Variants in ZNF638 observed in about 807,000 individuals in gnomAD.
ZNF638 encodes the protein CTCL tumor antigen se33-1.
A neutral mutation model predicts 195.6 loss-of-function variants in ZNF638; 46 were observed. That is an observed-to-expected ratio of 0.24 (90% CI 0.19 to 0.30). The LOEUF is 0.30. ZNF638 is among the 10% of genes least tolerant of loss of function. The pLI is 1.00. For missense variants in ZNF638, 2,440 were observed against 2,325.3 expected, an observed-to-expected ratio of 1.05 and a Z score of -1.01; for synonymous variants, 845 against 772.0, an observed-to-expected ratio of 1.09 and a Z score of -1.57.
At chr2:71,396,336 A>T in intron 11 of ZNF638, 145 bp downstream of exon 11, 1 of 651,422 alleles carries the variant, frequency 1.5e-6, no homozygotes, top group Non-Finnish European at 2.6e-6. Flanking sequence ...TCATCTAGCA[A>T]TTTTGAGAAA....
chr2:71,410,264 T>G (rs2080185401), intron 20 of ZNF638, among the ~76,000 whole-genome samples: 1 of 152,212 alleles, frequency 6.6e-6, no homozygotes, highest in Non-Finnish European at 1.5e-5. Flanking sequence ...CCACATGATT[T>G]AAACCTTAAC....
At chr2:71,336,296 G>C (rs2078666138) in intron 1 of ZNF638, among the ~76,000 whole-genome samples, 1 of 151,196 alleles carries the variant, frequency 6.6e-6, no homozygotes, top group Admixed American at 6.6e-5. Context: ...CTTGAAGCCG[G>C]GAGGCGGAGG....
chr2:71,353,026 G>A (rs1468544612), intron 2 of ZNF638, among the ~76,000 whole-genome samples: 2 of 152,106 alleles, frequency 1.3e-5, no homozygotes, highest in African/African-American at 4.8e-5. Context: ...TGTGAAGATG[G>A]ATTTCGATGG....
intron 8 of ZNF638, 44 bp from the exon 9 acceptor site, chr2:71,380,178 C>A: frequency 8.1e-7 from 1 of 1,231,578 alleles, no homozygotes; most frequent in South Asian, 1.6e-5. Flanking sequence ...TTCTAAATTG[C>A]TTTATACTAA....
intron 3 of ZNF638, among the ~76,000 whole-genome samples, chr2:71,359,545 A>T (rs1449275964): frequency 1.3e-5 from 2 of 152,178 alleles, no homozygotes; most frequent in African/African-American, 4.8e-5. Flanking sequence ...ACTAATCTTC[A>T]CTGGAAACAC....
At chr2:71,348,653 T>G in intron 1 of ZNF638, 100 bp from the exon 2 acceptor site, 1 of 1,298,108 alleles carries the variant, frequency 7.7e-7, no homozygotes, top group African/African-American at 1.5e-5. Context: ...TGCAGAATGG[T>G]TTCATGGCTT....
chr2:71,396,195 T>C lies in ZNF638; in HGVS notation c.2428+4T>C, dbSNP rs1446534782. On this transcript the variant is annotated splice_donor_region_variant and intron_variant, in intron 11 of 27. Transcript: ENST00000264447. ...GCCAAAGTAAACAAATCTACAGGTA[T>C]GTTTTTTTAATTAGGATTCTAGACT... 1.9e-6 allele frequency: 3 copies of C among 1,610,062 alleles called. No individual in the cohort carries two copies. Among genetic ancestry groups the C allele is most frequent in the African/African-American group, 1.3e-5 (1 of 74,660 alleles).
intron 2 of ZNF638, among the ~76,000 whole-genome samples, chr2:71,353,950 A>G (rs2078982916): frequency 6.6e-6 from 1 of 152,204 alleles, no homozygotes; most frequent in Non-Finnish European, 1.5e-5. Flanking sequence ...ATTAAACAGG[A>G]TGTACAAACA....
intron 1 of ZNF638, among the ~76,000 whole-genome samples, chr2:71,347,107 T>A (rs1383179456): frequency 6.6e-6 from 1 of 152,088 alleles, no homozygotes; most frequent in East Asian, 1.9e-4. Flanking sequence ...GGGGTGACCT[T>A]GAAGGATGAA....
chr2:71,359,819 C>G (rs2079079754), intron 3 of ZNF638, among the ~76,000 whole-genome samples: 1 of 152,060 alleles, frequency 6.6e-6, no homozygotes, highest in African/African-American at 2.4e-5. Flanking sequence ...TTAGATTTTT[C>G]TTTTCTTGTG....
intron 26 of ZNF638, among the ~76,000 whole-genome samples, 191 bp downstream of exon 26, chr2:71,431,619 A>G (rs1454889802): frequency 6.6e-6 from 1 of 152,094 alleles, no homozygotes; most frequent in African/African-American, 2.4e-5. Flanking sequence ...AATTAGCCGG[A>G]CGTGGTGGCG....
chr2:71,428,531 G>A lies in ZNF638; in HGVS notation c.5546-16G>A, dbSNP rs2080587346. ...TACTGTTACTAGAGCAATAAATTAGGACTTTCTTTTTAAAGCTAAAACTCC... is the reference window on the plus strand; with the variant it reads ...TACTGTTACTAGAGCAATAAATTAGAACTTTCTTTTTAAAGCTAAAACTCC... On this transcript the variant is annotated splice_polypyrimidine_tract_variant and intron_variant, in intron 24 of 27. Coordinates refer to ENST00000264447, the MANE Select transcript of ZNF638 (RefSeq NM_014497.5). 2 of 1,597,038 alleles carry A rather than the reference G, an allele frequency of 1.3e-6. No homozygotes were observed. Among genetic ancestry groups the A allele is most frequent in the Non-Finnish European group, 8.6e-7 (1 of 1,166,502 alleles).
chr2:71,358,539 C>T (rs900733539), intron 3 of ZNF638, among the ~76,000 whole-genome samples: 3 of 152,200 alleles, frequency 2.0e-5, no homozygotes, highest in Admixed American at 6.5e-5. Context: ...TCCTCTGGGT[C>T]AGTTTCCACT....
intron 6 of ZNF638, among the ~76,000 whole-genome samples, chr2:71,367,738 C>CT (rs60228089): frequency 0.014 from 2,080 of 144,934 alleles, 46 homozygotes; most frequent in African/African-American, 0.044. Flanking sequence ...CAGGCCTGGC[C>CT]TTTTTTTTTT....
intron 19 of ZNF638, chr2:71,407,552 TTGTA>T (rs1473937803): frequency 1.3e-5 from 2 of 152,230 alleles, no homozygotes; most frequent in Non-Finnish European, 2.9e-5. Flanking sequence ...ATTTTACCGT[TTGTA>T]AGACATAAAT....
intron 21 of ZNF638, among the ~76,000 whole-genome samples, chr2:71,422,241 C>T (rs2080447550): frequency 6.6e-6 from 1 of 151,304 alleles, no homozygotes. Context: ...AAATAATGTT[C>T]TAAGTATTAT....
chr2:71,334,459 G>A (rs1434923762), intron 1 of ZNF638: 15 of 152,154 alleles, frequency 9.9e-5, no homozygotes, highest in Admixed American at 9.8e-4. Flanking sequence ...GCCCTCATGT[G>A]TATCCAGCTT....
chr2:71,433,424 T>G (rs940457206), intron 27 of ZNF638, 141 bp downstream of exon 27: 1 of 623,784 alleles, frequency 1.6e-6, no homozygotes, highest in African/African-American at 1.8e-5. Context: ...TGTTTTCTCC[T>G]TCAGTGTACC....
At chr2:71,347,043 G>A (rs75441738) in intron 1 of ZNF638, among the ~76,000 whole-genome samples, 1 of 138,238 alleles carries the variant, frequency 7.2e-6, no homozygotes, top group African/African-American at 2.5e-5. Context: ...AAAAAAAAAA[G>A]AAAGATTATT....
Sources: allele counts gnomAD v4.1 joint callset (sites outside exome capture counted in the v4.1 genomes callset), GRCh38; gene constraint gnomAD v4.1.1; transcripts MANE v1.5; gene names NCBI Gene and HGNC (gene_info 2026-07-23, HGNC 2026-07-21).